The following KCNQ4 variants were observed in gnomAD, a reference collection of about 807,000 sequenced individuals.
KCNQ4 encodes the protein potassium voltage-gated channel subfamily KQT member 4.
KCNQ4 carries 31 observed loss-of-function variants against 72.6 expected under a neutral mutation model. The observed-to-expected ratio is 0.43, with a 90% CI of 0.32 to 0.58. The LOEUF is 0.58. KCNQ4 is among the 20% of genes least tolerant of loss of function. The probability of loss-of-function intolerance (pLI) is 0.08; values close to 1 mark genes in which losing one functional copy is unlikely to be tolerated. For synonymous variants in KCNQ4, 405 were observed against 403.7 expected, an observed-to-expected ratio of 1.00 and a Z score of -0.04; for missense variants, 869 against 962.6, an observed-to-expected ratio of 0.90 and a Z score of 1.29.
intron 1 of KCNQ4, among the ~76,000 whole-genome samples, chr1:40,799,028 C>T (rs772959442): frequency 3.3e-5 from 5 of 152,268 alleles, no homozygotes; most frequent in Admixed American, 6.5e-5. Context: ...TTTGCACTCT[C>T]CTAATCCAAG....
chr1:40,835,973 G>A (rs1372968999), intron 12 of KCNQ4, among the ~76,000 whole-genome samples: 1 of 151,938 alleles, frequency 6.6e-6, no homozygotes, highest in African/African-American at 2.4e-5. Flanking sequence ...AAGTCCTGTA[G>A]GCCCCTGCAA....
chr1:40,787,829 T>G (rs1647218871), intron 1 of KCNQ4, among the ~76,000 whole-genome samples: 1 of 152,226 alleles, frequency 6.6e-6, no homozygotes, highest in Non-Finnish European at 1.5e-5. Flanking sequence ...GCTGTCCCCT[T>G]GCTGCCCCCT....
chr1:40,830,069 C>T (rs976161167), intron 9 of KCNQ4, among the ~76,000 whole-genome samples: 4 of 152,270 alleles, frequency 2.6e-5, no homozygotes, highest in Admixed American at 6.5e-5. Context: ...TGCACGTACA[C>T]GTTCACATGC....
At chr1:40,824,384 C>A in intron 9 of KCNQ4, 126 bp downstream of exon 9, 1 of 1,054,068 alleles carries the variant, frequency 9.5e-7, no homozygotes, top group South Asian at 1.5e-5. Context: ...TGGGGGACTC[C>A]TAGGCCGTCA....
In KCNQ4 at chr1:40,784,244, C is replaced by T; in HGVS notation, c.151C>T (p.Pro51Ser). Reference protein sequence around the residue: ...SPRRLGLLGSPLPPGAPLPGP... With the variant: ...SPRRLGLLGSSLPPGAPLPGP... ...GCGCCGCCTCGGCCTCCTGGGCAGCCCCCTGCCGCCGGGCGCGCCCCTCCC... is the reference window on the plus strand; with the variant it reads ...GCGCCGCCTCGGCCTCCTGGGCAGCTCCCTGCCGCCGGGCGCGCCCCTCCC... The change falls in exon 1 of 14, where the codon CCC becomes TCC. Residue 51 changes from proline (P) to serine (S), a missense_variant. Transcript: ENST00000347132. This position sits in a 1 kb window ranked among gnomAD's most constrained non-coding sequence, Gnocchi z 4.1. 7.3e-7 allele frequency: 1 copy of T among 1,364,450 alleles called. No individual in the cohort carries two copies. The highest frequency in any genetic ancestry group is 9.4e-7 in the Non-Finnish European group (1 of 1,066,326). 84.5% of individuals were successfully genotyped at this position (1,364,450 alleles called of 1,614,324 possible). A position where few individuals can be genotyped will look rare whatever the true frequency, so the allele number is the denominator to read the frequency against.
Position 40,823,784 on chromosome 1 carries a change from C to T in KCNQ4, c.1131-313C>T, listed in dbSNP as rs980306440. Among the ~76,000 whole-genome samples the T allele has an allele frequency of 2.6e-5, 4 of 152,230 alleles. No homozygotes were observed. The East Asian group carries it at 7.7e-4, about 29-fold the overall frequency. ...GAGGGAAAGGATGTCAGGGCCACTG[C>T]TGGCCTCTCTGAGGAGGCACGGCAC... On this transcript the variant is annotated intron_variant, in intron 8 of 13. Transcript: ENST00000347132.
chr1:40,802,972 C>T (rs1285319335), intron 1 of KCNQ4, among the ~76,000 whole-genome samples: 1 of 152,180 alleles, frequency 6.6e-6, no homozygotes. Context: ...CTGTCTGCCT[C>T]ATTTAGAAGA....
At chr1:40,793,251 C>T (rs1173288303) in intron 1 of KCNQ4, among the ~76,000 whole-genome samples, 3 of 151,970 alleles carry the variant, frequency 2.0e-5, no homozygotes, top group Non-Finnish European at 2.9e-5. Flanking sequence ...GATCCTCCCA[C>T]GGTGGCCTCG....
At chr1:40,793,453 A>C (rs895087094) in intron 1 of KCNQ4, among the ~76,000 whole-genome samples, 2 of 151,994 alleles carry the variant, frequency 1.3e-5, no homozygotes, top group Admixed American at 1.3e-4. Context: ...GGGTGGTCTC[A>C]TGCACTCCTA....
At chr1:40,816,370 G>A (rs902941607) in intron 1 of KCNQ4, among the ~76,000 whole-genome samples, 3 of 151,968 alleles carry the variant, frequency 2.0e-5, no homozygotes, top group Admixed American at 6.6e-5. Flanking sequence ...TCCACATACC[G>A]CAAGGCCACC....
At chr1:40,819,215 G>A (rs1294792790) in intron 4 of KCNQ4, 132 bp from the exon 5 acceptor site, 2 of 1,083,764 alleles carry the variant, frequency 1.8e-6, no homozygotes. Context: ...CGTGATGGGA[G>A]GAGCTGAGAA....
At chr1:40,819,126 C>G (rs1199812066) in intron 4 of KCNQ4, 1 of 331,652 alleles carries the variant, frequency 3.0e-6, no homozygotes, top group Non-Finnish European at 5.2e-6. Flanking sequence ...TCAAGGCAGG[C>G]GGGGTGAGGG....
At chr1:40,810,892 G>A (rs780061388) in intron 1 of KCNQ4, among the ~76,000 whole-genome samples, 11 of 152,102 alleles carry the variant, frequency 7.2e-5, no homozygotes, top group Non-Finnish European at 1.6e-4. Flanking sequence ...GTGGTCTTGG[G>A]CTCAGGTCCT....
chr1:40,820,057 C>T (rs1648241089), intron 6 of KCNQ4, 72 bp downstream of exon 6: 16 of 1,527,654 alleles, frequency 1.0e-5, no homozygotes, highest in Non-Finnish European at 1.5e-5. Context: ...ACACATTTGC[C>T]TGGGGAGCCT....
chr1:40,832,594 G>A (rs1648682647), intron 10 of KCNQ4, among the ~76,000 whole-genome samples: 1 of 152,240 alleles, frequency 6.6e-6, no homozygotes, highest in Non-Finnish European at 1.5e-5. Flanking sequence ...CCAGCCACTT[G>A]GGTGTCCTTC....
rs532826200 is a variant in KCNQ4 at position 40,808,597 on chromosome 1, G to A, written c.315-8668G>A. On this transcript the variant is annotated intron_variant, in intron 1 of 13. Coordinates refer to ENST00000347132, the MANE Select transcript of KCNQ4 (RefSeq NM_004700.4). Reference sequence around the variant, plus strand: ...TCCCAGAGCAGTCCCCAGTGAGTAGGGGCTGTCGGCCTCCTCCCTTCCCAC... The same window carrying A: ...TCCCAGAGCAGTCCCCAGTGAGTAGAGGCTGTCGGCCTCCTCCCTTCCCAC... Among the ~76,000 whole-genome samples, 3 of 152,110 alleles carry A rather than the reference G, an allele frequency of 2.0e-5. No individual in the cohort carries two copies. The South Asian group carries it at 6.2e-4, about 32-fold the overall frequency.
Position 40,838,437 on chromosome 1 carries a change from T to C in KCNQ4, c.2002T>C (p.Tyr668His), listed in dbSNP as rs781002955. ...PLFDPDITSD[Y>H]HSPVDHEDIS... is the part of the protein sequence containing the mutation. ...GTTCGACCCCGACATCACCTCCGACTACCACAGCCCTGTGGACCACGAGGA... is the reference window on the plus strand; with the variant it reads ...GTTCGACCCCGACATCACCTCCGACCACCACAGCCCTGTGGACCACGAGGA... Residue 668 changes from tyrosine to histidine, a missense_variant, in exon 14 of 14, where the codon TAC becomes CAC. Tyr to His is a moderately conservative substitution (Grantham distance 83). Around this residue, in one of 5 missense-constraint regions of KCNQ4, gnomAD observed 480 missense variants for 501.9 expected, o/e 0.96. Coordinates refer to ENST00000347132, the MANE Select transcript of KCNQ4 (RefSeq NM_004700.4). 1.5e-5 allele frequency: 24 copies of C among 1,614,002 alleles called. No homozygotes were observed. Among genetic ancestry groups the C allele is most frequent in the African/African-American group, 1.3e-5 (1 of 74,932 alleles).
chr1:40,820,205 A>G lies in KCNQ4; in HGVS notation c.986A>G (p.Gln329Arg), dbSNP rs748935852. 1.2e-6 allele frequency: 2 copies of G among 1,611,136 alleles called. No homozygotes were observed. Among genetic ancestry groups the G allele is most frequent in the Non-Finnish European group, 1.7e-6 (2 of 1,178,750 alleles). ...GGCTTTGCCCTGAAGGTCCAGGAGC[A>G]GCACCGGCAGAAGCACTTCGAGAAG... is the stretch of plus-strand genomic sequence containing the variant. ...GSGFALKVQE[Q>R]HRQKHFEKRR... The change falls in exon 7 of 14, where the codon CAG becomes CGG. Residue 329 changes from glutamine (Q) to arginine (R), a missense_variant. Coordinates refer to ENST00000347132, the MANE Select transcript of KCNQ4 (RefSeq NM_004700.4).
chr1:40,838,883 C>T lies in KCNQ4; in HGVS notation c.*360C>T. Reference sequence around the variant, plus strand: ...GGGCCCTGGGCCCTGACCCAGCTTCCAGCTATGCAAGGTGAGGTCTCTGGC... The same window carrying T: ...GGGCCCTGGGCCCTGACCCAGCTTCTAGCTATGCAAGGTGAGGTCTCTGGC... On this transcript the variant is annotated 3_prime_UTR_variant, in exon 14 of 14. Coordinates refer to ENST00000347132, the MANE Select transcript of KCNQ4 (RefSeq NM_004700.4). 2 of 383,236 alleles carry T rather than the reference C, an allele frequency of 5.2e-6. No individual in the cohort carries two copies. Among genetic ancestry groups the T allele is most frequent in the East Asian group, 1.1e-4 (2 of 17,996 alleles). 23.7% of individuals were successfully genotyped at this position (383,236 alleles called of 1,614,324 possible). A position where few individuals can be genotyped will look rare whatever the true frequency, so the allele number is the denominator to read the frequency against.
Sources: gnomAD v4.1 joint callset for allele counts (sites outside exome capture counted in the v4.1 genomes callset) on GRCh38, gnomAD v4.1.1 for gene constraint, gnomAD v4.1.1 regional missense constraint, Gnocchi (gnomAD v3.1) non-coding constraint, MANE v1.5 for transcripts, NCBI Gene and HGNC (gene_info 2026-07-23, HGNC 2026-07-21) for gene names.